BCL2L11: variants seen among roughly 807,000 people sequenced by gnomAD.
BCL2L11 encodes the protein bcl-2-like protein 11.
Under a neutral mutation model 20.6 loss-of-function variants are expected in BCL2L11, and 15 were observed. The ratio of observed to expected loss-of-function variants is 0.73; its 90% confidence interval spans 0.49 to 1.12. The LOEUF (loss-of-function observed/expected upper bound fraction) is 1.12. Ranked by LOEUF, BCL2L11 falls within the 50% of genes most tolerant of loss-of-function variation. The pLI, the probability that BCL2L11 is intolerant of heterozygous loss-of-function variation, is 0.00. For synonymous variants in BCL2L11, 108 were observed against 92.8 expected (o/e 1.16, Z -0.94); for missense variants, 292 against 260.9 (o/e 1.12, Z -0.82).
intron 2 of BCL2L11, chr2:111,144,475 C>T: frequency 6.4e-7 from 1 of 1,550,578 alleles, no homozygotes; most frequent in Non-Finnish European, 8.7e-7. Context: ...AGTTGCTCTC[C>T]TTTGCCTTAT....
intron 2 of BCL2L11, among the ~76,000 whole-genome samples, chr2:111,137,201 C>G (rs1395141806): frequency 2.6e-5 from 4 of 152,182 alleles, no homozygotes; most frequent in Non-Finnish European, 5.9e-5. Context: ...CATTCTGATG[C>G]CTTGCTGCTT....
At position 111,150,162 on chromosome 2, in the gene BCL2L11, T is replaced by C; in HGVS notation, c.498+15T>C. The C allele has an allele frequency of 6.2e-7, 1 of 1,611,820 alleles. No individual in the cohort carries two copies. The highest frequency in any genetic ancestry group is 8.5e-7 in the Non-Finnish European group (1 of 1,178,698). On this transcript the variant is annotated intron_variant, in intron 3 of 3. Coordinates refer to ENST00000393256, the MANE Select transcript of BCL2L11 (RefSeq NM_138621.5). ...ATGCAAGGAGGGTAATGATGTTTTC[T>C]TTACCCGCTTTTCTGCTCACACCCT... is the stretch of plus-strand genomic sequence containing the variant.
At chr2:111,160,526 A>C (rs2078427868) in intron 3 of BCL2L11, among the ~76,000 whole-genome samples, 1 of 152,186 alleles carries the variant, frequency 6.6e-6, no homozygotes, top group Non-Finnish European at 1.5e-5. Context: ...TGAAGGAGTC[A>C]TCTTCTGGAC....
chr2:111,155,039 TC>T (rs566343869), intron 3 of BCL2L11, among the ~76,000 whole-genome samples: 17 of 152,174 alleles, frequency 1.1e-4, no homozygotes, highest in Non-Finnish European at 2.4e-4. Flanking sequence ...TCACAGCTCT[TC>T]CTATGCAGGT....
chr2:111,139,069 T>C (rs2075383863), intron 2 of BCL2L11, among the ~76,000 whole-genome samples: 1 of 152,034 alleles, frequency 6.6e-6, no homozygotes, highest in African/African-American at 2.4e-5. Context: ...AGTGAATTCA[T>C]CTGGAAATGC....
intron 1 of BCL2L11, chr2:111,122,987 A>C (rs1377945896): frequency 8.1e-6 from 8 of 985,162 alleles, no homozygotes; most frequent in Non-Finnish European, 9.6e-6. Flanking sequence ...CGCGGCGCGC[A>C]CCGGTGTCGC....
chr2:111,164,287 A>G lies in BCL2L11; in HGVS notation c.*56A>G. ...AGACATTTTGCTTGTTCAAACCAAC[A>G]AGACCCAGCACCGCGGTCTCCTGGT... On this transcript the variant is annotated 3_prime_UTR_variant, in exon 4 of 4. Transcript: ENST00000393256. 1 of 1,311,022 alleles carries G rather than the reference A, an allele frequency of 7.6e-7. No individual in the cohort carries two copies. The highest frequency in any genetic ancestry group is 1.5e-5 in the African/African-American group (1 of 68,884). The allele number at this position is 1,311,022 out of a possible 1,614,324, so 81.2% of individuals were successfully genotyped here.
At chr2:111,131,746 T>C (rs185884706) in intron 2 of BCL2L11, 8 of 152,288 alleles carry the variant, frequency 5.3e-5, no homozygotes, top group Admixed American at 4.6e-4. Flanking sequence ...AAACCCTATC[T>C]CGGGCAGCCT....
chr2:111,122,999 T>C (rs1375428780), intron 1 of BCL2L11: 1 of 985,006 alleles, frequency 1.0e-6, no homozygotes, highest in East Asian at 1.1e-4. Context: ...CGGTGTCGCC[T>C]AGCCTGCGGA....
intron 1 of BCL2L11, chr2:111,122,638 G>C: frequency 1.0e-6 from 1 of 984,124 alleles, no homozygotes; most frequent in Non-Finnish European, 1.2e-6. Flanking sequence ...GAGGGGAGGA[G>C]CGGGAGGAGG....
At chr2:111,122,942 G>A in intron 1 of BCL2L11, 1 of 985,504 alleles carries the variant, frequency 1.0e-6, no homozygotes, top group Non-Finnish European at 1.2e-6. Context: ...CGGTGTGATT[G>A]CCTTCTGAGG....
intron 2 of BCL2L11, chr2:111,144,451 C>G: frequency 6.5e-7 from 1 of 1,549,874 alleles, no homozygotes; most frequent in Non-Finnish European, 8.7e-7. Context: ...GCATTTACCG[C>G]AAACGCTGAT....
intron 3 of BCL2L11, among the ~76,000 whole-genome samples, chr2:111,156,319 C>G (rs1275264462): frequency 1.3e-5 from 2 of 152,178 alleles, no homozygotes; most frequent in Non-Finnish European, 2.9e-5. Context: ...TAGGTTGCCC[C>G]ACACTTCACT....
At chr2:111,158,303 G>A (rs1157222952) in intron 3 of BCL2L11, among the ~76,000 whole-genome samples, 1 of 152,116 alleles carries the variant, frequency 6.6e-6, no homozygotes, top group East Asian at 1.9e-4. Flanking sequence ...AATCAGGGGG[G>A]TGACTCCTAG....
At chr2:111,131,345 C>G (rs2073919986) in intron 2 of BCL2L11, 1 of 151,832 alleles carries the variant, frequency 6.6e-6, no homozygotes, top group Admixed American at 6.6e-5. Flanking sequence ...TAGTTTGTAG[C>G]TTTTGAAGAA....
At chr2:111,129,979 A>C (rs988835346) in intron 2 of BCL2L11, among the ~76,000 whole-genome samples, 2 of 152,298 alleles carry the variant, frequency 1.3e-5, no homozygotes, top group South Asian at 4.1e-4. Flanking sequence ...AGTATTCCAT[A>C]GATGATGCAC....
chr2:111,133,033 A>G (rs920123198), intron 2 of BCL2L11, among the ~76,000 whole-genome samples: 5 of 152,110 alleles, frequency 3.3e-5, no homozygotes, highest in South Asian at 2.1e-4. Flanking sequence ...GATATGGTCT[A>G]TTTTGGTGAC....
At chr2:111,124,176 G>A (rs2150146424) in intron 2 of BCL2L11, 37 bp downstream of exon 2, 1 of 1,558,458 alleles carries the variant, frequency 6.4e-7, no homozygotes, top group Non-Finnish European at 8.7e-7. Context: ...TTGACGTGTG[G>A]ATGGTTGAAT....
intron 2 of BCL2L11, among the ~76,000 whole-genome samples, chr2:111,148,874 A>C (rs2076901338): frequency 6.6e-6 from 1 of 152,226 alleles, no homozygotes; most frequent in Admixed American, 6.5e-5. Flanking sequence ...GTTCACTTTT[A>C]AGTGTTTTTA....
Sources: allele counts gnomAD v4.1 joint callset (sites outside exome capture counted in the v4.1 genomes callset), GRCh38; gene constraint gnomAD v4.1.1; transcripts MANE v1.5; gene names NCBI Gene and HGNC (gene_info 2026-07-23, HGNC 2026-07-21).